The following SGIP1 variants were observed in gnomAD, a reference collection of about 807,000 sequenced individuals.
The protein encoded by SGIP1 is SH3GL interacting endocytic adaptor 1.
Under a neutral mutation model 107.5 loss-of-function variants are expected in SGIP1, and 38 were observed. The observed-to-expected ratio is 0.35, with a 90% CI of 0.27 to 0.46. The LOEUF is 0.46. Among genes scored for constraint, SGIP1 ranks in the 20% least tolerant of loss-of-function variants. The pLI is 1.00. For synonymous variants in SGIP1, 365 were observed against 366.1 expected (o/e 1.00, Z 0.03); for missense variants, 929 against 1,019.5 (o/e 0.91, Z 1.21).
intron 1 of SGIP1, among the ~76,000 whole-genome samples, chr1:66,566,830 T>C (rs1204753701): frequency 6.6e-6 from 1 of 151,910 alleles, no homozygotes; most frequent in African/African-American, 2.4e-5. Context: ...CCACATGCAT[T>C]AGGTATTTGT....
intron 1 of SGIP1, among the ~76,000 whole-genome samples, chr1:66,591,553 T>A (rs1048410872): frequency 6.6e-6 from 1 of 151,990 alleles, no homozygotes; most frequent in African/African-American, 2.4e-5. Flanking sequence ...ATTATCAACA[T>A]CCCCCATTAG....
chr1:66,732,828 T>C (rs1402961984), intron 20 of SGIP1, among the ~76,000 whole-genome samples: 1 of 152,196 alleles, frequency 6.6e-6, no homozygotes, highest in African/African-American at 2.4e-5. Flanking sequence ...TTATAATGCC[T>C]AGCATATAAT....
At chr1:66,707,963 C>T (rs567246646) in intron 18 of SGIP1, among the ~76,000 whole-genome samples, 1 of 152,250 alleles carries the variant, frequency 6.6e-6, no homozygotes, top group South Asian at 2.1e-4. Flanking sequence ...TTTCTTTCAC[C>T]TTCCCCAAAG....
chr1:66,614,724 TCTC>T (rs2068787779), intron 1 of SGIP1, among the ~76,000 whole-genome samples: 1 of 151,426 alleles, frequency 6.6e-6, no homozygotes. Flanking sequence ...TACCATGTAA[TCTC>T]CTACTTTATC....
chr1:66,647,941 C>T (rs1289016160), intron 7 of SGIP1, among the ~76,000 whole-genome samples: 1 of 152,166 alleles, frequency 6.6e-6, no homozygotes, highest in Non-Finnish European at 1.5e-5. Flanking sequence ...AGAATGACTC[C>T]AACTCCAAGT....
At position 66,743,620 on chromosome 1, in the gene SGIP1, C is replaced by T. The variant is rs1305888316; in HGVS notation, c.*525C>T. 1 of 152,360 alleles carries T rather than the reference C, an allele frequency of 6.6e-6. No individual in the cohort carries two copies. Among genetic ancestry groups the T allele is most frequent in the African/African-American group, 2.4e-5 (1 of 41,408 alleles). 9.4% of individuals were successfully genotyped at this position (152,360 alleles called of 1,614,324 possible). ...ATGCTTAGTATGTTTTACTCTAGTGCTAAATAAAAACTCTATCTTCAAATG... is the reference window on the plus strand; with the variant it reads ...ATGCTTAGTATGTTTTACTCTAGTGTTAAATAAAAACTCTATCTTCAAATG... On this transcript the variant is annotated 3_prime_UTR_variant, in exon 25 of 25. Coordinates refer to ENST00000371037, the MANE Select transcript of SGIP1 (RefSeq NM_032291.4).
intron 18 of SGIP1, among the ~76,000 whole-genome samples, chr1:66,717,889 T>C (rs2093333358): frequency 6.6e-6 from 1 of 152,200 alleles, no homozygotes; most frequent in South Asian, 2.1e-4. Context: ...ATGTTGATAA[T>C]GCTGATGATC....
At chr1:66,656,520 T>C (rs12135797) in intron 7 of SGIP1, among the ~76,000 whole-genome samples, 15,324 of 152,274 alleles carry the variant, frequency 0.1, 1,005 homozygotes, top group East Asian at 0.22. Context: ...TGCATTGCAC[T>C]ATGACATCAC....
At chr1:66,659,077 C>A (rs1293600984) in intron 7 of SGIP1, among the ~76,000 whole-genome samples, 1 of 152,152 alleles carries the variant, frequency 6.6e-6, no homozygotes, top group Non-Finnish European at 1.5e-5. Context: ...TGGAGCCCAT[C>A]ACCAAAGCAT....
intron 1 of SGIP1, among the ~76,000 whole-genome samples, chr1:66,598,712 CATA>C (rs1203259582): frequency 6.6e-6 from 1 of 152,126 alleles, no homozygotes; most frequent in Non-Finnish European, 1.5e-5. Flanking sequence ...AACCAGATCC[CATA>C]ATAACTCAGT....
intron 1 of SGIP1, among the ~76,000 whole-genome samples, chr1:66,599,624 A>G (rs1397566853): frequency 2.0e-5 from 3 of 152,184 alleles, no homozygotes; most frequent in Admixed American, 1.3e-4. Context: ...CATCTTATTT[A>G]ACTACGGGTG....
intron 17 of SGIP1, among the ~76,000 whole-genome samples, chr1:66,693,284 A>G (rs114615363): frequency 1.6e-4 from 24 of 151,384 alleles, no homozygotes; most frequent in African/African-American, 5.8e-4. Context: ...ATAAATAAAT[A>G]AAAAACAGTA....
intron 8 of SGIP1, among the ~76,000 whole-genome samples, chr1:66,663,136 G>T (rs114582477): frequency 1.4e-4 from 21 of 151,876 alleles, no homozygotes; most frequent in Admixed American, 1.2e-3. Flanking sequence ...ACATTCTCAC[G>T]TGGCGCACAT....
At chr1:66,722,325 G>A (rs566363090) in intron 19 of SGIP1, among the ~76,000 whole-genome samples, 9 of 152,122 alleles carry the variant, frequency 5.9e-5, no homozygotes, top group South Asian at 2.1e-4. Context: ...TCCCCACCCC[G>A]TCAACATTTT....
chr1:66,736,559 T>C (rs1315210), intron 21 of SGIP1, among the ~76,000 whole-genome samples: 7,688 of 20,386 alleles, frequency 0.38, 3,066 homozygotes, highest in Non-Finnish European at 0.51. Context: ...TATAATATAT[T>C]GCGTATTATA....
At chr1:66,580,660 T>G (rs1457765495) in intron 1 of SGIP1, among the ~76,000 whole-genome samples, 1 of 152,136 alleles carries the variant, frequency 6.6e-6, no homozygotes, top group African/African-American at 2.4e-5. Context: ...CAATTTATTG[T>G]AGATATTTCT....
chr1:66,700,123 C>A (rs1202201897), intron 18 of SGIP1, among the ~76,000 whole-genome samples: 2 of 152,112 alleles, frequency 1.3e-5, no homozygotes, highest in Admixed American at 1.3e-4. Context: ...GTAATTCCAG[C>A]ACTTTGGGAG....
chr1:66,649,906 G>T (rs924738501), intron 7 of SGIP1, among the ~76,000 whole-genome samples: 2 of 152,166 alleles, frequency 1.3e-5, no homozygotes, highest in Non-Finnish European at 2.9e-5. Flanking sequence ...GATGACTTTT[G>T]GTATGTTGAA....
chr1:66,668,045 G>A (rs17129302), intron 9 of SGIP1, among the ~76,000 whole-genome samples: 11,700 of 152,168 alleles, frequency 0.077, 472 homozygotes, highest in South Asian at 0.099. Flanking sequence ...TTGGGAGAGG[G>A]AGACACACTT....
Sources: gnomAD v4.1 joint callset for allele counts (sites outside exome capture counted in the v4.1 genomes callset) on GRCh38, gnomAD v4.1.1 for gene constraint, MANE v1.5 for transcripts, NCBI Gene and HGNC (gene_info 2026-07-23, HGNC 2026-07-21) for gene names.